NELL1: variants seen among roughly 807,000 people sequenced by gnomAD.
The protein encoded by NELL1 is neural EGFL like 1.
NELL1 carries 76 observed loss-of-function variants against 107.4 expected under a neutral mutation model. That is an observed-to-expected ratio of 0.71 (90% CI 0.59 to 0.86). NELL1 has a LOEUF of 0.86. Among genes scored for constraint, NELL1 ranks in the 40% least tolerant of loss-of-function variants. The pLI, the probability that NELL1 is intolerant of heterozygous loss-of-function variation, is 0.00. For missense variants in NELL1, 1,024 were observed against 1,005.5 expected, an observed-to-expected ratio of 1.02 and a Z score of -0.25; for synonymous variants, 353 against 341.2, an observed-to-expected ratio of 1.03 and a Z score of -0.38.
intron 2 of NELL1, among the ~76,000 whole-genome samples, chr11:20,766,800 T>C (rs145890185): frequency 0.016 from 2,480 of 152,028 alleles, 27 homozygotes; most frequent in Non-Finnish European, 0.025. Flanking sequence ...TGAAGTGCAG[T>C]GGCACAATCT....
rs549644577 is a variant in NELL1, at chr11:21,188,940, C to T, written c.1427-40392C>T. ...AATCTTAACATGTTGTCATATATACCGTCTTCCTTTCTTTGCATTTGATAC... is the reference window on the plus strand; with the variant it reads ...AATCTTAACATGTTGTCATATATACTGTCTTCCTTTCTTTGCATTTGATAC... On this transcript the variant is annotated intron_variant, in intron 13 of 19. Coordinates refer to ENST00000357134, the MANE Select transcript of NELL1 (RefSeq NM_006157.5). Among the ~76,000 whole-genome samples, 23 of 151,756 alleles carry T rather than the reference C, an allele frequency of 1.5e-4. No individual in the cohort carries two copies. In the South Asian group the frequency reaches 2.5e-3, roughly 16 times the overall value.
chr11:21,301,963 A>G (rs904524877), intron 14 of NELL1, among the ~76,000 whole-genome samples: 3 of 152,064 alleles, frequency 2.0e-5, no homozygotes, highest in Admixed American at 1.3e-4. Context: ...ATGTTCTGCA[A>G]TAGGTGAAGA....
At chr11:21,373,531 AT>A (rs1478668180) in intron 15 of NELL1, among the ~76,000 whole-genome samples, 1 of 152,100 alleles carries the variant, frequency 6.6e-6, no homozygotes, top group Non-Finnish European at 1.5e-5. Context: ...ATGTTCTCTT[AT>A]CCCCCTAGTT....
intron 12 of NELL1, among the ~76,000 whole-genome samples, chr11:21,008,820 T>C (rs1852385473): frequency 6.6e-6 from 1 of 152,088 alleles, no homozygotes; most frequent in South Asian, 2.1e-4. Context: ...AATTATGATT[T>C]AACAGTGAGT....
chr11:21,107,274 C>T (rs916157367), intron 12 of NELL1, among the ~76,000 whole-genome samples: 4 of 152,020 alleles, frequency 2.6e-5, no homozygotes, highest in Admixed American at 2.0e-4. Context: ...TTTCACTGCC[C>T]TAAAACCTCA....
intron 2 of NELL1, among the ~76,000 whole-genome samples, chr11:20,755,559 T>TATTTTTTTTTATTTTTTA (rs1554914196): frequency 2.8e-4 from 5 of 17,668 alleles, no homozygotes; most frequent in Admixed American, 8.3e-4. Context: ...TGTTTTTGTT[T>TATTTTTTTTTATTTTTTA]TTGTTTTTTT....
intron 15 of NELL1, among the ~76,000 whole-genome samples, chr11:21,518,736 G>A (rs1443634900): frequency 6.6e-6 from 1 of 152,170 alleles, no homozygotes; most frequent in Non-Finnish European, 1.5e-5. Context: ...GCCTCATAAA[G>A]TTTTGTATTC....
At chr11:21,173,403 T>A (rs990426715) in intron 13 of NELL1, among the ~76,000 whole-genome samples, 13 of 151,860 alleles carry the variant, frequency 8.6e-5, no homozygotes, top group Non-Finnish European at 1.9e-4. Flanking sequence ...CACTTTCACA[T>A]TCTTTTTTTC....
chr11:20,891,905 T>A (rs972395046), intron 5 of NELL1, among the ~76,000 whole-genome samples: 2 of 152,096 alleles, frequency 1.3e-5, no homozygotes, highest in African/African-American at 4.8e-5. Context: ...GACTCCCACA[T>A]AATAATAGTG....
chr11:20,731,569 G>T (rs564803175), intron 2 of NELL1, among the ~76,000 whole-genome samples: 25 of 152,352 alleles, frequency 1.6e-4, no homozygotes, highest in African/African-American at 6.0e-4. Context: ...ATGGGCATGA[G>T]TGTGGGGATG....
chr11:21,386,853 G>A (rs1375063394), intron 15 of NELL1, among the ~76,000 whole-genome samples: 1 of 151,816 alleles, frequency 6.6e-6, no homozygotes, highest in Non-Finnish European at 1.5e-5. Context: ...CCTAGTCTCT[G>A]AAAATTAGAG....
intron 2 of NELL1, among the ~76,000 whole-genome samples, chr11:20,687,242 G>C (rs1013884399): frequency 6.6e-6 from 1 of 151,608 alleles, no homozygotes; most frequent in South Asian, 2.1e-4. Flanking sequence ...ATTACATGTG[G>C]TATTGAATAT....
chr11:20,826,975 C>T (rs1253605749), intron 3 of NELL1, among the ~76,000 whole-genome samples: 1 of 151,278 alleles, frequency 6.6e-6, no homozygotes, highest in Non-Finnish European at 1.5e-5. Context: ...ACCTGAGTGT[C>T]AGATCTGGCT....
chr11:21,238,600 G>A (rs1858269809), intron 14 of NELL1, among the ~76,000 whole-genome samples: 1 of 151,982 alleles, frequency 6.6e-6, no homozygotes, highest in African/African-American at 2.4e-5. Context: ...TGGAGGAAAG[G>A]GAAGTAGTCT....
intron 15 of NELL1, among the ~76,000 whole-genome samples, chr11:21,404,693 T>C (rs574922877): frequency 1.4e-4 from 21 of 152,078 alleles, no homozygotes; most frequent in Non-Finnish European, 1.2e-4. Context: ...TCATGAAAAT[T>C]AGAAATTTTA....
chr11:20,695,319 T>C (rs2467093), intron 2 of NELL1, among the ~76,000 whole-genome samples: 31,629 of 152,026 alleles, frequency 0.21, 3,596 homozygotes, highest in African/African-American at 0.27. Context: ...GACTAGCACT[T>C]CCAGTACTGT....
intron 3 of NELL1, among the ~76,000 whole-genome samples, chr11:20,791,540 TC>T (rs1415639370): frequency 1.3e-5 from 2 of 152,288 alleles, no homozygotes; most frequent in East Asian, 3.9e-4. Flanking sequence ...TGTCTTCCTG[TC>T]CTACCTGCTG....
chr11:21,174,916 G>T (rs1003706432), intron 13 of NELL1, among the ~76,000 whole-genome samples: 2 of 151,568 alleles, frequency 1.3e-5, no homozygotes. Flanking sequence ...CATTCTTATT[G>T]ACATTCAATA....
chr11:21,415,762 C>T (rs908311273), intron 15 of NELL1, among the ~76,000 whole-genome samples: 1 of 151,950 alleles, frequency 6.6e-6, no homozygotes, highest in African/African-American at 2.4e-5. Context: ...AGGAGAAGGG[C>T]TGGGGGTTTT....
Sources: allele counts gnomAD v4.1 joint callset (sites outside exome capture counted in the v4.1 genomes callset), GRCh38; gene constraint gnomAD v4.1.1; transcripts MANE v1.5; gene names NCBI Gene and HGNC (gene_info 2026-07-23, HGNC 2026-07-21).